Variants in SEPTIN7 observed in about 807,000 individuals in gnomAD.
SEPTIN7 encodes the protein septin 7.
A neutral mutation model predicts 63.3 loss-of-function variants in SEPTIN7; 10 were observed. The ratio of observed to expected loss-of-function variants is 0.16; its 90% CI spans 0.10 to 0.27. The LOEUF (loss-of-function observed/expected upper bound fraction) is 0.27, where lower values mean the gene tolerates loss of function less well. Ranked by LOEUF, SEPTIN7 falls within the 10% of genes least tolerant of loss-of-function variation. The pLI, the probability that SEPTIN7 is intolerant of heterozygous loss-of-function variation, is 1.00. For synonymous variants in SEPTIN7, 131 were observed against 165.3 expected (o/e 0.79, Z 1.59); for missense variants, 310 against 521.0 (o/e 0.59, Z 3.94).
In SEPTIN7 at chr7:35,905,027, G is replaced by T. The variant is rs1003519277; in HGVS notation, c.*734G>T. Reference sequence around the variant, plus strand: ...GAATATAGCATCTTTCATATGGTAGGAACCAACAAGGAAACTTTCCTTTAA... The same window carrying T: ...GAATATAGCATCTTTCATATGGTAGTAACCAACAAGGAAACTTTCCTTTAA... On this transcript the variant is annotated 3_prime_UTR_variant, in exon 14 of 14. Transcript: ENST00000350320. 4 of 152,574 alleles carry T rather than the reference G, an allele frequency of 2.6e-5. No homozygotes were observed. The highest frequency in any genetic ancestry group is 6.5e-5 in the Admixed American group (1 of 15,280). 9.5% of individuals were successfully genotyped at this position (152,574 alleles called of 1,614,324 possible). A position where few individuals can be genotyped will look rare whatever the true frequency, so the allele number is the denominator to read the frequency against.
Position 35,886,157 on chromosome 7 carries a change from A to C in SEPTIN7, c.872+278A>C, listed in dbSNP as rs138627368. 2.5e-3 allele frequency among the ~76,000 whole-genome samples: 381 copies of C among 152,360 alleles called. 1 individual carries two copies. The highest frequency in any genetic ancestry group is 8.5e-3 in the African/African-American group (352 of 41,588). On this transcript the variant is annotated intron_variant, in intron 10 of 13. Transcript: ENST00000350320. ...AATACTGAAATAACTATGGAAAGTGAAGTAGAAGAGGCTCTTTTTTCTTAA... is the reference window on the plus strand; with the variant it reads ...AATACTGAAATAACTATGGAAAGTGCAGTAGAAGAGGCTCTTTTTTCTTAA...
At chr7:35,910,484 G>T (rs571879376), downstream of SEPTIN7, among the ~76,000 whole-genome samples, 9 of 152,270 alleles carry the variant, frequency 5.9e-5, no homozygotes, top group South Asian at 1.9e-3. Context: ...TAATGGTAAA[G>T]CTTCTTATTC....
chr7:35,904,220 T>C, intron 13 of SEPTIN7, 34 bp from the exon 14 acceptor site: 2 of 1,489,688 alleles, frequency 1.3e-6, no homozygotes, highest in Non-Finnish European at 1.8e-6. Context: ...ATAAAATGGT[T>C]ACTCATCTTG....
chr7:35,888,662 A>C (rs1300015217), intron 10 of SEPTIN7, among the ~76,000 whole-genome samples: 1 of 152,150 alleles, frequency 6.6e-6, no homozygotes, highest in East Asian at 1.9e-4. Flanking sequence ...CCTACTAAAA[A>C]TACAAGAAAT....
chr7:35,815,877 TC>T (rs372065493), intron 1 of SEPTIN7, among the ~76,000 whole-genome samples: 12 of 152,290 alleles, frequency 7.9e-5, no homozygotes, highest in African/African-American at 2.4e-4. Context: ...TTAGTATTCT[TC>T]CCACCTTTCT....
intron 1 of SEPTIN7, among the ~76,000 whole-genome samples, chr7:35,807,592 T>C (rs1788433592): frequency 6.6e-6 from 1 of 151,902 alleles, no homozygotes; most frequent in African/African-American, 2.4e-5. Context: ...CTCAATCTGC[T>C]GACCTCATGA....
chr7:35,812,399 A>G (rs1419049794), intron 1 of SEPTIN7, among the ~76,000 whole-genome samples: 1 of 150,700 alleles, frequency 6.6e-6, no homozygotes, highest in Non-Finnish European at 1.5e-5. Context: ...TTTGAAAGCT[A>G]AACATGTGGT....
intron 1 of SEPTIN7, among the ~76,000 whole-genome samples, chr7:35,827,314 A>G (rs1583515972): frequency 8.9e-6 from 1 of 111,772 alleles, no homozygotes; most frequent in East Asian, 2.6e-4. Flanking sequence ...TCACATCTAT[A>G]AATAATGTTC....
intron 3 of SEPTIN7, among the ~76,000 whole-genome samples, chr7:35,852,272 T>C (rs181603768): frequency 6.6e-6 from 1 of 152,244 alleles, no homozygotes; most frequent in Admixed American, 6.5e-5. Context: ...TTGCCCAAGG[T>C]CACAAGAAAA....
Position 35,906,798 on chromosome 7 carries a change from C to T in SEPTIN7, c.*2505C>T, listed in dbSNP as rs1788625850. 1 of 152,128 alleles carries T rather than the reference C, an allele frequency of 6.6e-6. No individual in the cohort carries two copies. The highest frequency in any genetic ancestry group is 6.5e-5 in the Admixed American group (1 of 15,274). 9.4% of individuals were successfully genotyped at this position (152,128 alleles called of 1,614,324 possible). A position where few individuals can be genotyped will look rare whatever the true frequency, so the allele number is the denominator to read the frequency against. On this transcript the variant is annotated 3_prime_UTR_variant, in exon 14 of 14. Coordinates refer to ENST00000350320, the MANE Select transcript of SEPTIN7 (RefSeq NM_001788.6). ...CACATTACCACCTGCACATTCTGAC[C>T]CACCGCATCTTAATATGTTTTGTCC...
intron 7 of SEPTIN7, among the ~76,000 whole-genome samples, chr7:35,882,107 C>G (rs1232522510): frequency 1.3e-5 from 2 of 151,820 alleles, no homozygotes; most frequent in Non-Finnish European, 2.9e-5. Context: ...AAATAAGATA[C>G]TTGGGAATTT....
At chr7:35,840,422 C>A (rs1303804499) in intron 3 of SEPTIN7, among the ~76,000 whole-genome samples, 1 of 149,872 alleles carries the variant, frequency 6.7e-6, no homozygotes, top group Non-Finnish European at 1.5e-5. Flanking sequence ...CTATGCCCAG[C>A]TAATTAAAAA....
chr7:35,912,601 A>G, the SEPTIN7 span, among the ~76,000 whole-genome samples: 1 of 152,186 alleles, frequency 6.6e-6, no homozygotes, highest in Non-Finnish European at 1.5e-5. Context: ...ACTGGGTTAG[A>G]GTCTCCCCGA....
At chr7:35,914,480 C>G in the SEPTIN7 span, among the ~76,000 whole-genome samples, 1 of 152,132 alleles carries the variant, frequency 6.6e-6, no homozygotes, top group African/African-American at 2.4e-5. Flanking sequence ...ATTATGCCTC[C>G]GGGCTTTCTT....
the SEPTIN7 span, among the ~76,000 whole-genome samples, chr7:35,914,048 C>T: frequency 2.6e-5 from 4 of 152,080 alleles, no homozygotes; most frequent in South Asian, 4.1e-4. Context: ...ATGTAGAAAG[C>T]GAGAATGAAG....
intron 10 of SEPTIN7, 186 bp from the exon 11 acceptor site, chr7:35,890,482 T>G: frequency 2.7e-6 from 1 of 374,360 alleles, no homozygotes. Flanking sequence ...TTAGCTTATT[T>G]TTTGTTGGTT....
At chr7:35,892,831 C>T in intron 11 of SEPTIN7, among the ~76,000 whole-genome samples, 1 of 151,990 alleles carries the variant, frequency 6.6e-6, no homozygotes, top group East Asian at 1.9e-4. Context: ...CCATACTTTG[C>T]CTATGCAAAT....
chr7:35,859,998 A>G (rs1339634150), intron 3 of SEPTIN7, among the ~76,000 whole-genome samples: 1 of 152,132 alleles, frequency 6.6e-6, no homozygotes, highest in Non-Finnish European at 1.5e-5. Context: ...AGGAAGAACT[A>G]ACTTGCCATT....
intron 1 of SEPTIN7, among the ~76,000 whole-genome samples, chr7:35,811,708 G>A (rs1250839470): frequency 6.6e-6 from 1 of 152,132 alleles, no homozygotes; most frequent in Non-Finnish European, 1.5e-5. Flanking sequence ...CCAACATGGT[G>A]AAACCCTGTT....
Sources: allele counts gnomAD v4.1 joint callset (sites outside exome capture counted in the v4.1 genomes callset), GRCh38; gene constraint gnomAD v4.1.1; transcripts MANE v1.5; gene names NCBI Gene and HGNC (gene_info 2026-07-23, HGNC 2026-07-21).